HS3ST4: variants seen among roughly 807,000 people sequenced by gnomAD.
HS3ST4 encodes the protein heparan sulfate-glucosamine 3-sulfotransferase 4.
Under a neutral mutation model 29.2 loss-of-function variants are expected in HS3ST4, and 17 were observed. The observed-to-expected ratio is 0.58, with a 90% CI of 0.40 to 0.87. The LOEUF is 0.87. HS3ST4 is among the 40% of genes least tolerant of loss of function. The probability of loss-of-function intolerance (pLI) is 0.00; values close to 1 mark genes in which losing one functional copy is unlikely to be tolerated. For synonymous variants in HS3ST4, 314 were observed against 285.7 expected (o/e 1.10, Z -1.00); for missense variants, 627 against 634.5 (o/e 0.99, Z 0.13).
Position 25,727,199 on chromosome 16 carries a change from T to C in HS3ST4, c.734+34048T>C, listed in dbSNP as rs138714087. 7.9e-5 allele frequency among the ~76,000 whole-genome samples: 12 copies of C among 152,354 alleles called. No homozygotes were observed. In the East Asian group the frequency reaches 2.3e-3, roughly 29 times the overall value. On this transcript the variant is annotated intron_variant, in intron 1 of 1. Transcript: ENST00000331351. ...AAAGGACCCATATATATAAGATCCA[T>C]TTTATTATTAATAGCAAAAGACTGG...
At chr16:25,848,151 T>G (rs151108442) in intron 1 of HS3ST4, among the ~76,000 whole-genome samples, 291 of 152,234 alleles carry the variant, frequency 1.9e-3, no homozygotes, top group African/African-American at 6.9e-3. Flanking sequence ...TTTTTTTTTA[T>G]TTTTTGAGAC....
intron 1 of HS3ST4, among the ~76,000 whole-genome samples, chr16:25,809,672 A>G (rs1967022602): frequency 6.6e-6 from 1 of 152,024 alleles, no homozygotes; most frequent in Non-Finnish European, 1.5e-5. Context: ...TATAAATTCA[A>G]TTTCTTTTTT....
chr16:25,919,114 C>G (rs941773258), intron 1 of HS3ST4, among the ~76,000 whole-genome samples: 8 of 152,326 alleles, frequency 5.3e-5, no homozygotes, highest in Admixed American at 1.3e-4. Flanking sequence ...TAGCCTCAAA[C>G]TCTTGGGTTC....
At chr16:26,080,783 A>G (rs1397369861) in intron 1 of HS3ST4, among the ~76,000 whole-genome samples, 1 of 152,092 alleles carries the variant, frequency 6.6e-6, no homozygotes, top group East Asian at 1.9e-4. Context: ...CAGCAGCCAG[A>G]GAAAGACCTC....
At chr16:25,914,504 G>GAGGC (rs1412582146) in intron 1 of HS3ST4, among the ~76,000 whole-genome samples, 3 of 151,224 alleles carry the variant, frequency 2.0e-5, no homozygotes, top group African/African-American at 7.3e-5. Flanking sequence ...TGTGTGGGGG[G>GAGGC]AGGCAGGGGA....
intron 1 of HS3ST4, among the ~76,000 whole-genome samples, chr16:25,995,148 G>T (rs1353827608): frequency 6.6e-6 from 1 of 152,116 alleles, no homozygotes; most frequent in Admixed American, 6.6e-5. Flanking sequence ...ATAAATGGTC[G>T]TTTTCCAGAA....
At chr16:26,107,967 G>T (rs113605892) in intron 1 of HS3ST4, among the ~76,000 whole-genome samples, 1 of 151,958 alleles carries the variant, frequency 6.6e-6, no homozygotes, top group Non-Finnish European at 1.5e-5. Flanking sequence ...AGAAATCTCC[G>T]CACTGTGGAA....
intron 1 of HS3ST4, among the ~76,000 whole-genome samples, chr16:25,928,093 G>T (rs1320683050): frequency 6.7e-6 from 1 of 148,498 alleles, no homozygotes; most frequent in Non-Finnish European, 1.5e-5. Context: ...CTACTTGAAA[G>T]GCTGAGGCAG....
intron 1 of HS3ST4, among the ~76,000 whole-genome samples, chr16:25,772,500 C>T (rs774429195): frequency 6.6e-6 from 1 of 152,178 alleles, no homozygotes; most frequent in Non-Finnish European, 1.5e-5. Flanking sequence ...ATACTTATCT[C>T]CAAGAGTTTT....
At chr16:25,893,958 G>A (rs1968035470) in intron 1 of HS3ST4, among the ~76,000 whole-genome samples, 2 of 152,152 alleles carry the variant, frequency 1.3e-5, no homozygotes, top group Non-Finnish European at 2.9e-5. Context: ...TGCTTGGGTG[G>A]TGAAGCATTT....
intron 1 of HS3ST4, among the ~76,000 whole-genome samples, chr16:25,749,059 A>T (rs117273698): frequency 0.027 from 4,149 of 152,332 alleles, 85 homozygotes; most frequent in Non-Finnish European, 0.041. Context: ...GTATTTCCCA[A>T]GTGTGTGTCT....
At chr16:25,775,868 AC>A (rs761248903) in intron 1 of HS3ST4, among the ~76,000 whole-genome samples, 8 of 152,158 alleles carry the variant, frequency 5.3e-5, no homozygotes, top group Admixed American at 1.3e-4. Flanking sequence ...CCATGATGGC[AC>A]AGACCATTTA....
At chr16:25,817,219 G>A (rs1567246296) in intron 1 of HS3ST4, among the ~76,000 whole-genome samples, 1 of 152,148 alleles carries the variant, frequency 6.6e-6, no homozygotes, top group Non-Finnish European at 1.5e-5. Flanking sequence ...TGTTGATAGA[G>A]TAAAATGAGA....
At chr16:25,993,638 C>T (rs112737547) in intron 1 of HS3ST4, among the ~76,000 whole-genome samples, 9,065 of 151,824 alleles carry the variant, frequency 0.06, 322 homozygotes, top group African/African-American at 0.1. Context: ...TAATACCAAG[C>T]TCATACTATG....
intron 1 of HS3ST4, among the ~76,000 whole-genome samples, chr16:25,992,022 AAAACAAAC>A (rs10679569): frequency 1.3e-5 from 2 of 151,940 alleles, no homozygotes; most frequent in African/African-American, 2.4e-5. Context: ...CTCCGTCTCA[AAAACAAAC>A]AAACAAACAA....
chr16:25,912,261 A>G (rs1213087510), intron 1 of HS3ST4, among the ~76,000 whole-genome samples: 1 of 152,166 alleles, frequency 6.6e-6, no homozygotes, highest in African/African-American at 2.4e-5. Flanking sequence ...TGTCCCCGGC[A>G]TCTCAAGGCT....
chr16:25,857,973 TC>T (rs1409116606), intron 1 of HS3ST4, among the ~76,000 whole-genome samples: 1 of 44,680 alleles, frequency 2.2e-5, no homozygotes, highest in East Asian at 9.1e-4. Context: ...TCTTTCTTTC[TC>T]TTTTCTGTCT....
At chr16:26,080,269 G>A (rs770300836) in intron 1 of HS3ST4, among the ~76,000 whole-genome samples, 1 of 151,980 alleles carries the variant, frequency 6.6e-6, no homozygotes, top group Non-Finnish European at 1.5e-5. Context: ...CTAGAAAATG[G>A]CAGCACAGAA....
At chr16:25,729,188 A>C (rs551568675) in intron 1 of HS3ST4, among the ~76,000 whole-genome samples, 14 of 152,198 alleles carry the variant, frequency 9.2e-5, no homozygotes, top group Non-Finnish European at 1.9e-4. Context: ...TAAGAGTGAC[A>C]AACCAAGAAA....
Sources: gnomAD v4.1 joint callset for allele counts (sites outside exome capture counted in the v4.1 genomes callset) on GRCh38, gnomAD v4.1.1 for gene constraint, MANE v1.5 for transcripts, NCBI Gene and HGNC (gene_info 2026-07-23, HGNC 2026-07-21) for gene names.